The following HEXB variants were observed in gnomAD, a reference collection of about 807,000 sequenced individuals.
HEXB encodes beta-hexosaminidase subunit beta.
Under a neutral mutation model 71.2 loss-of-function variants are expected in HEXB, and 51 were observed. The ratio of observed to expected loss-of-function variants is 0.72; its 90% confidence interval spans 0.57 to 0.90. The LOEUF (loss-of-function observed/expected upper bound fraction) is 0.90. HEXB is among the 40% of genes least tolerant of loss of function. The pLI is 0.00. For missense variants in HEXB, 617 were observed against 677.0 expected, an observed-to-expected ratio of 0.91 and a Z score of 0.98; for synonymous variants, 266 against 249.3, an observed-to-expected ratio of 1.07 and a Z score of -0.63.
At chr5:74,666,831 G>A (rs914348397) in intron 1 of HEXB, among the ~76,000 whole-genome samples, 2 of 152,116 alleles carry the variant, frequency 1.3e-5, no homozygotes, top group African/African-American at 4.8e-5. Context: ...CACATATAGA[G>A]AGAGAGAACA....
At chr5:74,695,201 C>CTTT (rs35812692) in intron 3 of HEXB, among the ~76,000 whole-genome samples, 30 of 114,460 alleles carry the variant, frequency 2.6e-4, no homozygotes, top group African/African-American at 3.4e-4. Context: ...AGAAGAGACG[C>CTTT]TTTTTTTTTT....
At chr5:74,720,554 G>T in intron 12 of HEXB, 36 bp downstream of exon 12, 1 of 1,591,876 alleles carries the variant, frequency 6.3e-7, no homozygotes, top group Non-Finnish European at 8.6e-7. Flanking sequence ...AAGAATTAAG[G>T]TGCCTTAGCT....
chr5:74,654,376 G>T (rs894210064), intron 1 of HEXB, among the ~76,000 whole-genome samples: 2 of 152,120 alleles, frequency 1.3e-5, no homozygotes, highest in Non-Finnish European at 2.9e-5. Flanking sequence ...ACACACTTGA[G>T]TCCAGAGGCC....
chr5:74,720,383 T>TATA, intron 11 of HEXB, 45 bp from the exon 12 acceptor site: 1 of 1,316,730 alleles, frequency 7.6e-7, no homozygotes, highest in Non-Finnish European at 1.1e-6. Flanking sequence ...TGCCTCTGTG[T>TATA]ATAAGCTTTG....
intron 2 of HEXB, among the ~76,000 whole-genome samples, chr5:74,691,543 C>T (rs909717752): frequency 2.0e-5 from 3 of 152,196 alleles, no homozygotes; most frequent in Non-Finnish European, 2.9e-5. Context: ...AGATAAACTG[C>T]TGAGTTGAAC....
chr5:74,709,341 G>A (rs1749482162), intron 6 of HEXB, among the ~76,000 whole-genome samples: 1 of 151,658 alleles, frequency 6.6e-6, no homozygotes, highest in Non-Finnish European at 1.5e-5. Context: ...GAGAAAGCAG[G>A]AAAGATCCAA....
intron 5 of HEXB, among the ~76,000 whole-genome samples, chr5:74,700,065 G>A (rs2112147581): frequency 1.5e-5 from 2 of 129,804 alleles, no homozygotes; most frequent in South Asian, 2.5e-4. Context: ...GGAGTGCAGT[G>A]GCACAATCTT....
At chr5:74,710,636 C>T (rs371703465) in intron 6 of HEXB, among the ~76,000 whole-genome samples, 9,280 of 152,192 alleles carry the variant, frequency 0.061, 622 homozygotes, top group African/African-American at 0.17. Context: ...CATTCTTATA[C>T]ACCAATAACA....
chr5:74,680,905 T>A (rs1580374520), upstream of HEXB, among the ~76,000 whole-genome samples: 1 of 152,236 alleles, frequency 6.6e-6, no homozygotes, highest in South Asian at 2.1e-4. Flanking sequence ...GGAAACCAGA[T>A]ACCATACAAA....
chr5:74,658,983 A>G (rs1020797282), intron 1 of HEXB, among the ~76,000 whole-genome samples: 1 of 152,156 alleles, frequency 6.6e-6, no homozygotes, highest in South Asian at 2.1e-4. Context: ...CACCATGAGA[A>G]GACTGGAGCT....
rs121907984 is a variant in HEXB at position 74,721,131 on chromosome 5, G to A, written c.1627G>A (p.Ala543Thr). ...RCRMVERGIA[A>T]QPLYAGYCNH... ...TGTTATCTACAGACGTGGAATAGCT[G>A]CACAACCTCTTTATGCTGGATATTG... Residue 543 changes from alanine to threonine, a missense_variant, in exon 14 of 14, where the codon GCA becomes ACA. By Grantham distance (58) the Ala-to-Thr change is moderately conservative (BLOSUM62 0). Coordinates refer to ENST00000261416, the MANE Select transcript of HEXB (RefSeq NM_000521.4). 4.8e-4 allele frequency: 774 copies of A among 1,612,544 alleles called. 13 individuals are homozygous for A. The South Asian group carries it at 6.1e-3, about 13-fold the overall frequency.
intron 1 of HEXB, among the ~76,000 whole-genome samples, chr5:74,678,927 C>T (rs957060754): frequency 6.6e-6 from 1 of 151,934 alleles, no homozygotes; most frequent in Non-Finnish European, 1.5e-5. Flanking sequence ...TTCAATTTCA[C>T]AAGTAATCAA....
At chr5:74,681,428 T>G (rs1162405689), upstream of HEXB, among the ~76,000 whole-genome samples, 1 of 152,056 alleles carries the variant, frequency 6.6e-6, no homozygotes, top group African/African-American at 2.4e-5. Flanking sequence ...AAACCCTGAT[T>G]TAAAATATAA....
In HEXB at chr5:74,685,441, C is replaced by T. The variant is rs1415184639; in HGVS notation, c.181C>T (p.Leu61Phe). ...KPGPALWPLP[L>F]LVKMTPNLLH... is the part of the protein sequence containing the mutation. ...GGGGCCGGCGCTGTGGCCCCTGCCG[C>T]TCTTGGTGAAGATGACCCCGAACCT... is the stretch of plus-strand genomic sequence containing the variant. The change falls in exon 1 of 14, where the codon CTC (leucine) becomes TTC (phenylalanine). Residue 61 changes from leucine to phenylalanine, a missense_variant. Leu to Phe is a conservative substitution (Grantham distance 22). Coordinates refer to ENST00000261416, the MANE Select transcript of HEXB (RefSeq NM_000521.4). 6 of 1,610,742 alleles carry T rather than the reference C, an allele frequency of 3.7e-6. No homozygotes were observed. The Admixed American group carries it at 1.0e-4, about 27-fold the overall frequency.
intron 1 of HEXB, among the ~76,000 whole-genome samples, chr5:74,663,183 C>CT (rs1166478267): frequency 2.4e-4 from 27 of 114,652 alleles, no homozygotes; most frequent in African/African-American, 8.2e-4. Context: ...TTTCTTTTTC[C>CT]TTTTTTTTGG....
rs1747898108 is a variant in HEXB at position 74,641,819 on chromosome 5, T to C, written c.-377+1261T>C. 6.6e-6 allele frequency among the ~76,000 whole-genome samples: 1 copy of C among 152,180 alleles called. No homozygotes were observed. Among genetic ancestry groups the C allele is most frequent in the Non-Finnish European group, 1.5e-5 (1 of 68,030 alleles). ...CGGTATTTGGAGCTAAGTCTATAAA[T>C]GAACGGGATAGATGACCGGTCCAGC... On this transcript the variant is annotated intron_variant, in intron 1 of 13. Transcript: ENST00000511181. This position sits in a 1 kb window ranked among gnomAD's most constrained non-coding sequence, Gnocchi z 4.1.
chr5:74,656,798 GAC>G (rs924409921), intron 1 of HEXB, among the ~76,000 whole-genome samples: 9 of 152,256 alleles, frequency 5.9e-5, no homozygotes, highest in Non-Finnish European at 1.3e-4. Flanking sequence ...TTTTAGTGGA[GAC>G]GGGGTTTCAC....
intron 1 of HEXB, among the ~76,000 whole-genome samples, chr5:74,655,377 C>T (rs1282572561): frequency 7.4e-6 from 1 of 134,706 alleles, no homozygotes; most frequent in Non-Finnish European, 1.6e-5. Context: ...AGCAGTGGCA[C>T]GATCTCGCCA....
At chr5:74,663,118 T>G (rs927397615) in intron 1 of HEXB, among the ~76,000 whole-genome samples, 1 of 152,168 alleles carries the variant, frequency 6.6e-6, no homozygotes, top group East Asian at 1.9e-4. Flanking sequence ...AGAACGCATA[T>G]GGGCATCTGC....
Sources: allele counts gnomAD v4.1 joint callset (sites outside exome capture counted in the v4.1 genomes callset), GRCh38; gene constraint gnomAD v4.1.1; non-coding constraint Gnocchi (gnomAD v3.1); transcripts MANE v1.5; gene names NCBI Gene and HGNC (gene_info 2026-07-23, HGNC 2026-07-21).